NCAM2: variants seen among roughly 807,000 people sequenced by gnomAD.
The protein encoded by NCAM2 is N-CAM-2.
In NCAM2, 30 loss-of-function variants were observed where a neutral mutation model predicts 98.1. That is an observed-to-expected ratio of 0.31 (90% confidence interval 0.23 to 0.41). The LOEUF (loss-of-function observed/expected upper bound fraction) is 0.41. Ranked by LOEUF, NCAM2 falls within the 10% of genes least tolerant of loss-of-function variation. The pLI, the probability that NCAM2 is intolerant of heterozygous loss-of-function variation, is 1.00. For missense variants in NCAM2, 867 were observed against 1,005.8 expected, an observed-to-expected ratio of 0.86 and a Z score of 1.87; for synonymous variants, 368 against 342.4, an observed-to-expected ratio of 1.07 and a Z score of -0.83.
At chr21:21,377,662 C>CA (rs1302502891) in intron 9 of NCAM2, among the ~76,000 whole-genome samples, 2 of 151,900 alleles carry the variant, frequency 1.3e-5, no homozygotes, top group Non-Finnish European at 2.9e-5. Context: ...AGCTCATTAA[C>CA]ATGTCCATTA....
intron 1 of NCAM2, among the ~76,000 whole-genome samples, chr21:21,067,920 G>A (rs145109455): frequency 8.7e-4 from 132 of 152,002 alleles, no homozygotes; most frequent in Middle Eastern, 3.4e-3. Flanking sequence ...GAGGAATTGG[G>A]TCAGGATACA....
intron 1 of NCAM2, among the ~76,000 whole-genome samples, chr21:21,076,782 G>T (rs745711024): frequency 6.6e-6 from 1 of 152,140 alleles, no homozygotes; most frequent in Non-Finnish European, 1.5e-5. Context: ...GGCTTCAGCT[G>T]GTCTTTTGTC....
chr21:21,202,114 C>T (rs150237983), intron 1 of NCAM2, among the ~76,000 whole-genome samples: 148 of 152,216 alleles, frequency 9.7e-4, no homozygotes, highest in African/African-American at 2.6e-3. Flanking sequence ...TTTAGAGAGT[C>T]GTGAGGAGCC....
intron 1 of NCAM2, among the ~76,000 whole-genome samples, chr21:21,038,924 T>G (rs1204640398): frequency 1.3e-5 from 2 of 152,166 alleles, no homozygotes; most frequent in East Asian, 3.9e-4. Flanking sequence ...TTGATATGTA[T>G]AATCTTAGAA....
intron 8 of NCAM2, among the ~76,000 whole-genome samples, chr21:21,350,944 A>AT: frequency 1.1e-5 from 1 of 87,038 alleles, no homozygotes; most frequent in East Asian, 2.7e-4. Context: ...AAAAAAAAAA[A>AT]AAAAGGAGAG....
chr21:21,306,484 G>T (rs1032112101), intron 5 of NCAM2, among the ~76,000 whole-genome samples: 11 of 151,998 alleles, frequency 7.2e-5, no homozygotes, highest in African/African-American at 2.7e-4. Flanking sequence ...TAGCAATATA[G>T]CTACCCCAGC....
chr21:21,119,279 T>C (rs1487781800), intron 1 of NCAM2, among the ~76,000 whole-genome samples: 1 of 152,192 alleles, frequency 6.6e-6, no homozygotes, highest in Non-Finnish European at 1.5e-5. Flanking sequence ...TAAGTGCTTG[T>C]TTTCAGCCCA....
intron 9 of NCAM2, among the ~76,000 whole-genome samples, chr21:21,391,615 A>C (rs1248220284): frequency 1.3e-5 from 2 of 152,210 alleles, no homozygotes; most frequent in Non-Finnish European, 2.9e-5. Flanking sequence ...AGATCCCTTC[A>C]TTGCAAATTT....
At chr21:21,231,335 A>T (rs982830439) in intron 1 of NCAM2, among the ~76,000 whole-genome samples, 1 of 151,364 alleles carries the variant, frequency 6.6e-6, no homozygotes, top group African/African-American at 2.4e-5. Flanking sequence ...TTTAATGAGC[A>T]AAGTTCTGAC....
intron 15 of NCAM2, among the ~76,000 whole-genome samples, chr21:21,488,792 T>C (rs757875293): frequency 1.8e-4 from 27 of 151,878 alleles, no homozygotes. Flanking sequence ...TTATCACATA[T>C]ATTTTTGTCT....
At chr21:21,194,968 AT>A (rs1385548118) in intron 1 of NCAM2, among the ~76,000 whole-genome samples, 1 of 152,078 alleles carries the variant, frequency 6.6e-6, no homozygotes, top group Non-Finnish European at 1.5e-5. Flanking sequence ...AAGAATTCAA[AT>A]TTTTTATGAT....
At chr21:21,190,878 G>A (rs544412404) in intron 1 of NCAM2, among the ~76,000 whole-genome samples, 7 of 152,258 alleles carry the variant, frequency 4.6e-5, no homozygotes, top group African/African-American at 1.7e-4. Flanking sequence ...AGTAGCATAT[G>A]TAAAGCATAT....
Position 21,537,832 on chromosome 21 carries a change from T to C in NCAM2, c.2403-14T>C, listed in dbSNP as rs1309594071. On this transcript the variant is annotated splice_polypyrimidine_tract_variant and intron_variant, in intron 17 of 17. Coordinates refer to ENST00000400546, the MANE Select transcript of NCAM2 (RefSeq NM_004540.5). ...TACCTCAGAAAATGAAGCTTATTAT[T>C]TTTTATCTTCCAGAAAATTGCCTTT... 1 of 1,381,646 alleles carries C rather than the reference T, an allele frequency of 7.2e-7. No homozygotes were observed. Among genetic ancestry groups the C allele is most frequent in the Non-Finnish European group, 1.0e-6 (1 of 993,720 alleles). 85.6% of individuals were successfully genotyped at this position (1,381,646 alleles called of 1,614,324 possible).
At chr21:21,284,455 A>G (rs2073032160) in intron 3 of NCAM2, 55 bp downstream of exon 3, 7 of 1,337,344 alleles carry the variant, frequency 5.2e-6, no homozygotes, top group Non-Finnish European at 1.1e-6. Context: ...CTTATAAATA[A>G]CCGAAAAAAT....
At chr21:21,432,399 G>T in intron 12 of NCAM2, 118 bp downstream of exon 12, 1 of 914,592 alleles carries the variant, frequency 1.1e-6, no homozygotes, top group Non-Finnish European at 1.6e-6. Flanking sequence ...ATGGTGTTGG[G>T]AAGATATTTT....
At chr21:21,114,223 G>T (rs1403357124) in intron 1 of NCAM2, among the ~76,000 whole-genome samples, 1 of 152,084 alleles carries the variant, frequency 6.6e-6, no homozygotes, top group African/African-American at 2.4e-5. Flanking sequence ...GAAAGATGTG[G>T]CAGGCTTCTC....
intron 1 of NCAM2, among the ~76,000 whole-genome samples, chr21:21,035,708 A>G (rs961303030): frequency 3.9e-5 from 6 of 152,170 alleles, no homozygotes; most frequent in Admixed American, 3.9e-4. Flanking sequence ...ATTTAAGAGT[A>G]TTTGATAAGA....
chr21:21,428,517 G>A (rs1313241373), intron 11 of NCAM2, among the ~76,000 whole-genome samples: 1 of 152,206 alleles, frequency 6.6e-6, no homozygotes, highest in African/African-American at 2.4e-5. Flanking sequence ...GCATTTGCAT[G>A]CCTCGTGCAT....
At chr21:21,517,605 C>T (rs761530518) in intron 16 of NCAM2, among the ~76,000 whole-genome samples, 6 of 152,142 alleles carry the variant, frequency 3.9e-5, no homozygotes, top group Non-Finnish European at 8.8e-5. Context: ...CCCCCGTAAT[C>T]CCAGCACTTT....
Sources: allele counts gnomAD v4.1 joint callset (sites outside exome capture counted in the v4.1 genomes callset), GRCh38; gene constraint gnomAD v4.1.1; transcripts MANE v1.5; gene names NCBI Gene and HGNC (gene_info 2026-07-23, HGNC 2026-07-21).